POLR1G: variants seen among roughly 807,000 people sequenced by gnomAD.
The protein encoded by POLR1G is RNA polymerase I subunit G.
POLR1G carries 9 observed loss-of-function variants against 6.3 expected under a neutral mutation model. That is an observed-to-expected ratio of 1.44 (90% confidence interval 0.87 to 2.51). The LOEUF (loss-of-function observed/expected upper bound fraction) is 2.51. POLR1G is among the 30% of genes most tolerant of loss of function. POLR1G has a pLI of 0.00. For synonymous variants in POLR1G, 248 were observed against 256.5 expected, an observed-to-expected ratio of 0.97 and a Z score of 0.32; for missense variants, 617 against 632.5, an observed-to-expected ratio of 0.98 and a Z score of 0.26.
chr19:45,408,954 A>G lies in POLR1G; in HGVS notation c.986A>G (p.Lys329Arg), dbSNP rs760400069. The G allele has an allele frequency of 5.0e-6, 8 of 1,614,102 alleles. No individual in the cohort carries two copies. The East Asian group carries it at 1.1e-4, about 22-fold the overall frequency. ...EEAIPLPPTK[K>R]RKKEKGQMAM... ...GCCATCCCTCTGCCCCCTACGAAGA[A>G]GAGGAAAAAAGAAAAGGGACAGATG... Residue 329 changes from lysine (K) to arginine (R), a missense_variant, in exon 3 of 3, where the codon AAG becomes AGG. Transcript: ENST00000309424.
chr19:45,408,304 G>A lies in POLR1G; in HGVS notation c.336G>A (p.Gln112=). 1 of 1,612,980 alleles carries A rather than the reference G, an allele frequency of 6.2e-7. No individual in the cohort carries two copies. The highest frequency in any genetic ancestry group is 8.5e-7 in the Non-Finnish European group (1 of 1,179,354). The change falls in exon 3 of 3, where the codon CAG becomes CAA. Residue 112 remains glutamine, a synonymous_variant. Coordinates refer to ENST00000309424, the MANE Select transcript of POLR1G (RefSeq NM_012099.3). The part of the protein sequence containing the change: ...GGGLTCASAP[Q]GTLRILEGPQ... ...GACTCACCTGTGCCTCAGCCCCCCA[G>A]GGCACCCTAAGGATCCTTGAGGGTC...
chr19:45,409,295 C>A lies in POLR1G; in HGVS notation c.1327C>A (p.Pro443Thr), dbSNP rs764413282. 2.9e-5 allele frequency: 47 copies of A among 1,613,850 alleles called. No homozygotes were observed. Among genetic ancestry groups the A allele is most frequent in the Non-Finnish European group, 3.7e-5 (44 of 1,180,014 alleles). ...GACTGAGCCAATTCAGCCACTAGAG[C>A]CTGAACTGCCAGGGGAGGGACAGCC... ...TVTEPIQPLEPELPGEGQPEA... is the reference protein window; with the variant it reads ...TVTEPIQPLETELPGEGQPEA... Residue 443 changes from proline (P) to threonine (T), a missense_variant, in exon 3 of 3, where the codon CCT (proline) becomes ACT (threonine). Transcript: ENST00000309424.
At chr19:45,408,062 A>AAAAAAAAAATCAAAAAACCT (rs747498774) in intron 2 of POLR1G, 71 bp from the exon 3 acceptor site, 24,112 of 754,932 alleles carry the variant, frequency 0.032, 207 homozygotes, top group Admixed American at 0.04. Context: ...AAAAAAAAAC[A>AAAAAAAAAATCAAAAAACCT]AAAAAAAAAT....
chr19:45,407,000 T>C lies in POLR1G; in HGVS notation c.23-94T>C. On this transcript the variant is annotated intron_variant, in intron 1 of 2. Coordinates refer to ENST00000309424, the MANE Select transcript of POLR1G (RefSeq NM_012099.3). The surrounding 1 kb of genome is among the most constrained non-coding windows in gnomAD (Gnocchi z 4.2). ...AACCAGGTTGAGGGGACTGGAGTGC[T>C]CACGAGGTTAAGACCAATGGACCGA... The C allele has an allele frequency of 6.8e-7, 1 of 1,473,522 alleles. No individual in the cohort carries two copies. The highest frequency in any genetic ancestry group is 9.1e-7 in the Non-Finnish European group (1 of 1,096,990). The allele number at this position is 1,473,522 out of a possible 1,614,324, so 91.3% of individuals were successfully genotyped here.
At position 45,408,831 on chromosome 19, in the gene POLR1G, AAAAGAG is replaced by A. The variant is rs759389149; in HGVS notation, c.870_875del (p.Lys291_Arg292del). ...GAAGACACAGTCCTGTCCCCGACCA[AAAAGAG>A]AAAGAGGCAAAAGGGGACGGAAGGG... On this transcript the variant is annotated inframe_deletion, in exon 3 of 3. Coordinates refer to ENST00000309424, the MANE Select transcript of POLR1G (RefSeq NM_012099.3). The A allele has an allele frequency of 6.2e-7, 1 of 1,614,034 alleles. No individual in the cohort carries two copies. Among genetic ancestry groups the A allele is most frequent in the Non-Finnish European group, 8.5e-7 (1 of 1,180,036 alleles).
Position 45,407,111 on chromosome 19 carries a change from T to C in POLR1G, c.40T>C (p.Cys14Arg). The C allele has an allele frequency of 6.3e-7, 1 of 1,599,340 alleles. No individual in the cohort carries two copies. The highest frequency in any genetic ancestry group is 1.4e-5 in the African/African-American group (1 of 73,876). The change falls in exon 2 of 3, where the codon TGT becomes CGT. Residue 14 changes from cysteine (C) to arginine (R), a missense_variant. Coordinates refer to ENST00000309424, the MANE Select transcript of POLR1G (RefSeq NM_012099.3). Reference protein sequence around the residue: ...PQAGDAARFSCPPNFTAKPPA... With the variant: ...PQAGDAARFSRPPNFTAKPPA... ...TGCTGCAGATGCTGCTCGGTTCTCT[T>C]GTCCCCCCAACTTTACCGCGAAGCC...
In POLR1G at chr19:45,409,153, C is replaced by T; in HGVS notation, c.1185C>T (p.Ala395=). The change falls in exon 3 of 3, where the codon GCC becomes GCT. Residue 395 remains alanine (A), a synonymous_variant. Coordinates refer to ENST00000309424, the MANE Select transcript of POLR1G (RefSeq NM_012099.3). ...CGAAGAAAGAAAAACAGCAAGATGC[C>T]ACAGTGGAGCCAGAGACAGAGGTGG... The part of the protein sequence containing the change: ...KKTKKEKQQD[A]TVEPETEVVG... The T allele has an allele frequency of 4.3e-6, 7 of 1,613,058 alleles. No individual in the cohort carries two copies. Among genetic ancestry groups the T allele is most frequent in the Non-Finnish European group, 5.9e-6 (7 of 1,179,412 alleles).
rs1389238354 is a variant in POLR1G, at chr19:45,410,318, G to C, written c.*817G>C. ...CCTGCCTCAGCCTCCCGAGTAGCTG[G>C]GCCTAAAGGTGCCCACCACTATACC... is the stretch of plus-strand genomic sequence containing the variant. On this transcript the variant is annotated 3_prime_UTR_variant, in exon 3 of 3. Coordinates refer to ENST00000309424, the MANE Select transcript of POLR1G (RefSeq NM_012099.3). The C allele has an allele frequency of 6.6e-6, 1 of 151,714 alleles. No individual in the cohort carries two copies. The highest frequency in any genetic ancestry group is 1.5e-5 in the Non-Finnish European group (1 of 68,082). The allele number at this position is 151,714 out of a possible 1,614,324, so 9.4% of individuals were successfully genotyped here. A position where few individuals can be genotyped will look rare whatever the true frequency, so the allele number is the denominator to read the frequency against.
Position 45,408,411 on chromosome 19 carries a change from G to C in POLR1G, c.443G>C (p.Arg148Pro), listed in dbSNP as rs771934564. ...CAGATCCCTCCTGGCCTGAGGCCTC[G>C]GTTCTGTGCCTTTGGGGGCAACCCA... ...PPQIPPGLRPRFCAFGGNPPV... is the reference protein window; with the variant it reads ...PPQIPPGLRPPFCAFGGNPPV... The change falls in exon 3 of 3, where the codon CGG becomes CCG. Residue 148 changes from arginine (R) to proline (P), a missense_variant. Transcript: ENST00000309424. 4.3e-6 allele frequency: 7 copies of C among 1,613,348 alleles called. No individual in the cohort carries two copies.
At position 45,409,130 on chromosome 19, in the gene POLR1G, A is replaced by G; in HGVS notation, c.1162A>G (p.Lys388Glu). The G allele has an allele frequency of 6.2e-7, 1 of 1,613,210 alleles. No individual in the cohort carries two copies. The highest frequency in any genetic ancestry group is 1.1e-5 in the South Asian group (1 of 91,008). ...TCTGGCAGCTCCCAAAAAGAAGACG[A>G]AGAAAGAAAAACAGCAAGATGCCAC... is the stretch of plus-strand genomic sequence containing the variant. Reference protein sequence around the residue: ...AALAAPKKKTKKEKQQDATVE... With the variant: ...AALAAPKKKTEKEKQQDATVE... The change falls in exon 3 of 3, where the codon AAG becomes GAG. Residue 388 changes from lysine (K) to glutamate (E), a missense_variant. Coordinates refer to ENST00000309424, the MANE Select transcript of POLR1G (RefSeq NM_012099.3).
In POLR1G at chr19:45,408,934, C is replaced by G; in HGVS notation, c.966C>G (p.Ile322Met). ...QVKVEPLEEA[I>M]PLPPTKKRKK... is the part of the protein sequence containing the mutation. ...AGGTGGAGCCACTGGAGGAAGCCAT[C>G]CCTCTGCCCCCTACGAAGAAGAGGA... Residue 322 changes from isoleucine (I) to methionine (M), a missense_variant, in exon 3 of 3, where the codon ATC (isoleucine) becomes ATG (methionine). Physicochemically the swap from Ile to Met is conservative, Grantham distance 10 (BLOSUM62 1). Transcript: ENST00000309424. 1.2e-6 allele frequency: 2 copies of G among 1,614,028 alleles called. No individual in the cohort carries two copies. The highest frequency in any genetic ancestry group is 1.7e-6 in the Non-Finnish European group (2 of 1,180,002).
At position 45,407,142 on chromosome 19, in the gene POLR1G, C is replaced by T. The variant is rs2123421405; in HGVS notation, c.71C>T (p.Ala24Val). ...CPPNFTAKPP[A>V]SESPRFSLEA... is the part of the protein sequence containing the mutation. ...CCCAACTTTACCGCGAAGCCCCCAG[C>T]CTCAGAGTCCCCTCGTTTCTCCTTG... Residue 24 changes from alanine (A) to valine (V), a missense_variant, in exon 2 of 3, where the codon GCC (alanine) becomes GTC (valine). By Grantham distance (64) the Ala-to-Val change is moderately conservative. Transcript: ENST00000309424. The T allele has an allele frequency of 6.2e-7, 1 of 1,612,106 alleles. No individual in the cohort carries two copies.
rs1973413450 is a variant in POLR1G, at chr19:45,407,452, G to T, written c.164+217G>T. The stretch of plus-strand genomic sequence containing the variant: ...TATTTCTACTTATAAGAAACTATAA[G>T]GAACTATAGTTAAACTTGGAGTGTG... On this transcript the variant is annotated intron_variant, in intron 2 of 2. Coordinates refer to ENST00000309424, the MANE Select transcript of POLR1G (RefSeq NM_012099.3). 5.6e-6 allele frequency: 3 copies of T among 532,236 alleles called. No homozygotes were observed. In the East Asian group the frequency reaches 1.0e-4, roughly 18 times the overall value. The allele number at this position is 532,236 out of a possible 1,614,324, so 33.0% of individuals were successfully genotyped here.
chr19:45,409,744 A>G lies in POLR1G; in HGVS notation c.*243A>G, dbSNP rs769193174. 9 of 789,508 alleles carry G rather than the reference A, an allele frequency of 1.1e-5. No individual in the cohort carries two copies. The highest frequency in any genetic ancestry group is 3.4e-5 in the African/African-American group (2 of 59,300). 48.9% of individuals were successfully genotyped at this position (789,508 alleles called of 1,614,324 possible). Reference sequence around the variant, plus strand: ...TCCGGGCCTGGATGGGAGGGAGAAAAAAATGAGGAACCAGTCATTAAAGGA... The same window carrying G: ...TCCGGGCCTGGATGGGAGGGAGAAAGAAATGAGGAACCAGTCATTAAAGGA... On this transcript the variant is annotated 3_prime_UTR_variant, in exon 3 of 3. Transcript: ENST00000309424.
chr19:45,410,115 C>G lies in POLR1G; in HGVS notation c.*614C>G, dbSNP rs1410244885. 1 of 155,498 alleles carries G rather than the reference C, an allele frequency of 6.4e-6. No individual in the cohort carries two copies. Among genetic ancestry groups the G allele is most frequent in the Non-Finnish European group, 1.4e-5 (1 of 71,116 alleles). The allele number at this position is 155,498 out of a possible 1,614,324, so 9.6% of individuals were successfully genotyped here. A position where few individuals can be genotyped will look rare whatever the true frequency, so the allele number is the denominator to read the frequency against. On this transcript the variant is annotated 3_prime_UTR_variant, in exon 3 of 3. Transcript: ENST00000309424. ...CGTTAGCCAGGATGGTCTCGATCTCCTGACCTCCTGATGCGCCTGCCTCAG... is the reference window on the plus strand; with the variant it reads ...CGTTAGCCAGGATGGTCTCGATCTCGTGACCTCCTGATGCGCCTGCCTCAG...
In POLR1G at chr19:45,407,081, C is replaced by T. The variant is rs1348541045; in HGVS notation, c.23-13C>T. 2 of 1,583,948 alleles carry T rather than the reference C, an allele frequency of 1.3e-6. No individual in the cohort carries two copies. The highest frequency in any genetic ancestry group is 2.0e-5 in the Admixed American group (1 of 49,694). On this transcript the variant is annotated splice_polypyrimidine_tract_variant and intron_variant, in intron 1 of 2. Transcript: ENST00000309424. ...GGAGGTGTCAGTCGACCCCATTTCC[C>T]CTTCTGCTGCAGATGCTGCTCGGTT...
Position 45,408,591 on chromosome 19 carries a change from T to C in POLR1G, c.623T>C (p.Met208Thr). 1 of 1,610,670 alleles carries C rather than the reference T, an allele frequency of 6.2e-7. No homozygotes were observed. Among genetic ancestry groups the C allele is most frequent in the Non-Finnish European group, 8.5e-7 (1 of 1,179,124 alleles). ...GACATGGCTTTGGGGTCGCCAGAAA[T>C]GGATGTGCGGAAGAAGAAGAAGAAA... ...EVDMALGSPE[M>T]DVRKKKKKKN... The change falls in exon 3 of 3, where the codon ATG becomes ACG. Residue 208 changes from methionine (M) to threonine (T), a missense_variant. Transcript: ENST00000309424.
rs1681544224 is a variant in POLR1G at position 45,408,797 on chromosome 19, G to A, written c.829G>A (p.Glu277Lys). 27 of 1,613,964 alleles carry A rather than the reference G, an allele frequency of 1.7e-5. No homozygotes were observed. Among genetic ancestry groups the A allele is most frequent in the Non-Finnish European group, 2.3e-5 (27 of 1,180,000 alleles). ...AGTGAAGCAGGAACAGATTAACACT[G>A]AGCCTCTAGAAGACACAGTCCTGTC... ...KTVKQEQINT[E>K]PLEDTVLSPT... Residue 277 changes from glutamate (E) to lysine (K), a missense_variant, in exon 3 of 3, where the codon GAG (glutamate) becomes AAG (lysine). By Grantham distance (56) the Glu-to-Lys change is moderately conservative (BLOSUM62 1). Transcript: ENST00000309424.
rs752091935 is a variant in POLR1G, at chr19:45,409,074, CAGA to C, written c.1109_1111del (p.Glu370del). 8 of 1,613,722 alleles carry C rather than the reference CAGA, an allele frequency of 5.0e-6. 1 individual carries two copies. The South Asian group carries it at 8.8e-5, about 18-fold the overall frequency. On this transcript the variant is annotated inframe_deletion, in exon 3 of 3. Transcript: ENST00000309424. Reference sequence around the variant, plus strand: ...GGGGGGACCATGGCGCCTCAACAGCCAGAAGGAGCGAAGCCTCAGGCCCAGGCA... The same window carrying C: ...GGGGGGACCATGGCGCCTCAACAGCCAGGAGCGAAGCCTCAGGCCCAGGCA...
Sources: gnomAD v4.1 joint callset for allele counts on GRCh38, gnomAD v4.1.1 for gene constraint, Gnocchi (gnomAD v3.1) non-coding constraint, MANE v1.5 for transcripts, NCBI Gene and HGNC (gene_info 2026-07-23, HGNC 2026-07-21) for gene names.